The following HDAC9 variants were observed in gnomAD, a reference collection of about 807,000 sequenced individuals.
The protein encoded by HDAC9 is MEF-2 interacting transcription repressor (MITR) protein.
Under a neutral mutation model 139.4 loss-of-function variants are expected in HDAC9, and 41 were observed. The observed-to-expected ratio is 0.29, with a 90% CI of 0.23 to 0.38. The LOEUF (loss-of-function observed/expected upper bound fraction) is 0.38, where lower values mean the gene tolerates loss of function less well. Ranked by LOEUF, HDAC9 falls within the 10% of genes least tolerant of loss-of-function variation. The probability of loss-of-function intolerance (pLI) is 1.00; values close to 1 mark genes in which losing one functional copy is unlikely to be tolerated. For synonymous variants in HDAC9, 517 were observed against 476.2 expected (o/e 1.09, Z -1.12); for missense variants, 1,147 against 1,297.0 (o/e 0.88, Z 1.78).
At chr7:18,668,060 A>G in intron 12 of HDAC9, 1 of 978,434 alleles carries the variant, frequency 1.0e-6, no homozygotes, top group Admixed American at 6.2e-5. Flanking sequence ...GACATTGTTC[A>G]ACTGTATGTT....
rs562844758 is a variant in HDAC9, at chr7:18,951,457, A to G, written c.2938-2689A>G. Among the ~76,000 whole-genome samples the G allele has an allele frequency of 2.0e-5, 3 of 152,064 alleles. No homozygotes were observed. The South Asian group carries it at 6.2e-4, about 31-fold the overall frequency. ...AGGTTGTGTTAAAATTATCTAGTGT[A>G]TCTTATAACTCCATGATAATTACCA... is the stretch of plus-strand genomic sequence containing the variant. On this transcript the variant is annotated intron_variant, in intron 23 of 25. Transcript: ENST00000686413.
intron 14 of HDAC9, among the ~76,000 whole-genome samples, chr7:18,760,995 G>T (rs1467407532): frequency 6.6e-6 from 1 of 152,316 alleles, no homozygotes; most frequent in Admixed American, 6.5e-5. Flanking sequence ...CCTTGGTCAG[G>T]AACATGAAAG....
intron 14 of HDAC9, among the ~76,000 whole-genome samples, chr7:18,756,982 A>G (rs1265701222): frequency 2.0e-5 from 3 of 151,912 alleles, no homozygotes; most frequent in Non-Finnish European, 4.4e-5. Flanking sequence ...ACCATTTCTT[A>G]CGTAACATTT....
intron 13 of HDAC9, among the ~76,000 whole-genome samples, chr7:18,742,350 G>T (rs1787538349): frequency 6.6e-6 from 1 of 152,114 alleles, no homozygotes; most frequent in Admixed American, 6.5e-5. Flanking sequence ...CCCTCCACAA[G>T]CAAAAAGATT....
chr7:18,805,177 C>T (rs763130617), intron 17 of HDAC9, among the ~76,000 whole-genome samples: 1 of 152,180 alleles, frequency 6.6e-6, no homozygotes, highest in Non-Finnish European at 1.5e-5. Context: ...CCCACTTAAA[C>T]TAAATGTGCA....
chr7:18,382,065 TG>T (rs1457049506), intron 1 of HDAC9, among the ~76,000 whole-genome samples: 3 of 152,284 alleles, frequency 2.0e-5, no homozygotes, highest in African/African-American at 7.2e-5. Flanking sequence ...ATCCAGTTAT[TG>T]TTTCCACTCA....
chr7:18,174,225 T>TC (rs1258483350), intron 2 of HDAC9, among the ~76,000 whole-genome samples: 3 of 152,226 alleles, frequency 2.0e-5, no homozygotes, highest in Non-Finnish European at 4.4e-5. Context: ...TACCTTTTCT[T>TC]CCACTTGATC....
At chr7:18,437,382 C>G (rs1305597942) in intron 1 of HDAC9, among the ~76,000 whole-genome samples, 1 of 152,058 alleles carries the variant, frequency 6.6e-6, no homozygotes, top group Non-Finnish European at 1.5e-5. Context: ...ATCTCTGCGA[C>G]CATGGACAAC....
intron 12 of HDAC9, among the ~76,000 whole-genome samples, chr7:18,693,756 G>A (rs1410863202): frequency 6.6e-6 from 1 of 152,156 alleles, no homozygotes; most frequent in Admixed American, 6.6e-5. Flanking sequence ...AAAATAGTAT[G>A]TGTGAAATTA....
At chr7:18,793,188 T>C (rs1562945679) in intron 16 of HDAC9, 157 bp from the exon 17 acceptor site, 2 of 616,288 alleles carry the variant, frequency 3.2e-6, no homozygotes, top group Admixed American at 2.5e-5. Flanking sequence ...CTAATGTTAT[T>C]GTACATAGGC....
At chr7:18,534,617 G>T (rs777130151) in intron 2 of HDAC9, among the ~76,000 whole-genome samples, 4 of 152,164 alleles carry the variant, frequency 2.6e-5, no homozygotes, top group African/African-American at 9.7e-5. Flanking sequence ...CTCACCTTAT[G>T]AGTCGTTAGG....
intron 2 of HDAC9, among the ~76,000 whole-genome samples, chr7:18,252,391 C>G (rs1794971620): frequency 6.6e-6 from 1 of 152,108 alleles, no homozygotes; most frequent in Non-Finnish European, 1.5e-5. Context: ...ACATGTAAAT[C>G]TTAGACTTTA....
At chr7:18,257,217 G>A (rs912236483) in intron 2 of HDAC9, among the ~76,000 whole-genome samples, 11 of 151,450 alleles carry the variant, frequency 7.3e-5, no homozygotes, top group Non-Finnish European at 1.5e-4. Flanking sequence ...GTTCACACCT[G>A]TAATTCCAGC....
rs1474682704 is a variant in HDAC9, at chr7:19,001,128, C to G, written c.*5066C>G. On this transcript the variant is annotated 3_prime_UTR_variant, in exon 26 of 26. Coordinates refer to ENST00000686413, the MANE Select transcript of HDAC9 (RefSeq NM_178425.4). ...TCAAACATAGTTTGCCATCATCTGGCTACTACCTAATCATGTTGTACTAGT... is the reference window on the plus strand; with the variant it reads ...TCAAACATAGTTTGCCATCATCTGGGTACTACCTAATCATGTTGTACTAGT... The G allele has an allele frequency of 1.3e-5, 2 of 152,106 alleles. No individual in the cohort carries two copies. The highest frequency in any genetic ancestry group is 4.8e-5 in the African/African-American group (2 of 41,422). The allele number at this position is 152,106 out of a possible 1,614,324, so 9.4% of individuals were successfully genotyped here.
Position 18,206,308 on chromosome 7 carries a change from G to C in HDAC9, c.25+43959G>C, listed in dbSNP as rs369446616. 8.5e-5 allele frequency among the ~76,000 whole-genome samples: 13 copies of C among 152,232 alleles called. No individual in the cohort carries two copies. In the East Asian group the frequency reaches 1.3e-3, roughly 16 times the overall value. ...ACACATCAAATAGCAATCATTTCTGGAATTCTGCTCATATTAGTTGTATAA... is the reference window on the plus strand; with the variant it reads ...ACACATCAAATAGCAATCATTTCTGCAATTCTGCTCATATTAGTTGTATAA... On this transcript the variant is annotated intron_variant, in intron 2 of 12. Transcript: ENST00000417496.
intron 1 of HDAC9, among the ~76,000 whole-genome samples, chr7:18,117,216 A>T (rs1490289880): frequency 6.6e-6 from 1 of 152,156 alleles, no homozygotes; most frequent in Non-Finnish European, 1.5e-5. Context: ...ATCATACTGG[A>T]GTAGGGTGGC....
chr7:18,893,132 G>C (rs1003482106), intron 22 of HDAC9, among the ~76,000 whole-genome samples: 1 of 151,012 alleles, frequency 6.6e-6, no homozygotes, highest in South Asian at 2.1e-4. Flanking sequence ...CATATCTAGA[G>C]CTCTCTCACT....
At chr7:18,454,850 A>G (rs1057142690) in intron 1 of HDAC9, among the ~76,000 whole-genome samples, 1 of 152,056 alleles carries the variant, frequency 6.6e-6, no homozygotes, top group Non-Finnish European at 1.5e-5. Context: ...AGCTTTGTAA[A>G]GGAAAACATC....
chr7:18,766,235 G>T (rs756089484), intron 15 of HDAC9, among the ~76,000 whole-genome samples: 14 of 152,152 alleles, frequency 9.2e-5, no homozygotes, highest in Non-Finnish European at 1.5e-4. Flanking sequence ...CTATGAAATA[G>T]AAATGTTCAC....
Sources: gnomAD v4.1 joint callset for allele counts (sites outside exome capture counted in the v4.1 genomes callset) on GRCh38, gnomAD v4.1.1 for gene constraint, MANE v1.5 for transcripts, NCBI Gene and HGNC (gene_info 2026-07-23, HGNC 2026-07-21) for gene names.